Variants in POU2F1 observed in about 807,000 individuals in gnomAD.
POU2F1 encodes POU class 2 homeobox 1, also known as POU domain, class 2, transcription factor 1.
A neutral mutation model predicts 84.9 loss-of-function variants in POU2F1; 16 were observed. The ratio of observed to expected loss-of-function variants is 0.19; its 90% CI spans 0.13 to 0.29. The LOEUF (loss-of-function observed/expected upper bound fraction) is 0.29, where lower values mean the gene tolerates loss of function less well. POU2F1 is among the 10% of genes least tolerant of loss of function. The pLI is 1.00. For synonymous variants in POU2F1, 368 were observed against 368.3 expected (o/e 1.00, Z 0.01); for missense variants, 738 against 942.6 (o/e 0.78, Z 2.84).
At chr1:167,286,802 C>T (rs1017348911) in intron 1 of POU2F1, among the ~76,000 whole-genome samples, 1 of 152,152 alleles carries the variant, frequency 6.6e-6, no homozygotes, top group Non-Finnish European at 1.5e-5. Flanking sequence ...TTCTCAGAGA[C>T]TTGTGGCAAT....
Position 167,297,131 on chromosome 1 carries a change from C to T in POU2F1, c.62-35339C>T, listed in dbSNP as rs115951648. On this transcript the variant is annotated intron_variant, in intron 1 of 15. Transcript: ENST00000367866. ...CCAACTTGTTCATAATGTGCATATACAACAGGAGTTTTGCAGAGTTTTGGC... is the reference window on the plus strand; with the variant it reads ...CCAACTTGTTCATAATGTGCATATATAACAGGAGTTTTGCAGAGTTTTGGC... Among the ~76,000 whole-genome samples, 388 of 152,298 alleles carry T rather than the reference C, an allele frequency of 2.5e-3. 2 individuals carry two copies. The highest frequency in any genetic ancestry group is 9.1e-3 in the African/African-American group (378 of 41,556).
intron 13 of POU2F1, among the ~76,000 whole-genome samples, chr1:167,404,371 C>G (rs1480833765): frequency 6.6e-6 from 1 of 151,926 alleles, no homozygotes; most frequent in Non-Finnish European, 1.5e-5. Flanking sequence ...CTCAAGAGTC[C>G]CCTCCCCTGA....
At chr1:167,236,632 T>C (rs1030362857) in intron 1 of POU2F1, among the ~76,000 whole-genome samples, 2 of 152,164 alleles carry the variant, frequency 1.3e-5, no homozygotes. Flanking sequence ...TTTGGAGAAG[T>C]AGCTTAGGGA....
At chr1:167,278,875 C>T (rs948460257) in intron 1 of POU2F1, among the ~76,000 whole-genome samples, 2 of 151,656 alleles carry the variant, frequency 1.3e-5, no homozygotes, top group African/African-American at 2.4e-5. Context: ...ACCTATTTCA[C>T]ATGGGTACAT....
chr1:167,347,982 T>C (rs1189307387), intron 2 of POU2F1, among the ~76,000 whole-genome samples: 1 of 152,226 alleles, frequency 6.6e-6, no homozygotes, highest in African/African-American at 2.4e-5. Flanking sequence ...CTCTTGTGAA[T>C]AATGCTGCTG....
intron 1 of POU2F1, chr1:167,329,183 T>G: frequency 6.6e-7 from 1 of 1,507,038 alleles, no homozygotes. Context: ...ATACTGTAGA[T>G]TTGTTAGAAA....
At chr1:167,376,249 A>G (rs890871385) in intron 7 of POU2F1, 94 bp downstream of exon 7, 5 of 1,305,244 alleles carry the variant, frequency 3.8e-6, no homozygotes, top group African/African-American at 3.1e-5. Context: ...CCCTGAAACT[A>G]TTAGACCAAT....
chr1:167,320,154 C>T (rs1006136748), intron 1 of POU2F1, among the ~76,000 whole-genome samples: 2 of 151,590 alleles, frequency 1.3e-5, no homozygotes, highest in South Asian at 2.1e-4. Flanking sequence ...TGTTTGGAAT[C>T]GTAGCTGAGC....
intron 1 of POU2F1, among the ~76,000 whole-genome samples, chr1:167,228,955 C>G (rs757234136): frequency 6.6e-6 from 1 of 152,052 alleles, no homozygotes; most frequent in South Asian, 2.1e-4. Context: ...ATTTTATAGT[C>G]GAGTAAAATA....
At chr1:167,412,366 G>A (rs1449245253) in intron 14 of POU2F1, 62 bp downstream of exon 14, 3 of 1,392,190 alleles carry the variant, frequency 2.2e-6, no homozygotes, top group Non-Finnish European at 2.9e-6. Context: ...ATTACTCACA[G>A]GGGAGACTTT....
At chr1:167,300,793 C>T (rs753473760) in intron 1 of POU2F1, among the ~76,000 whole-genome samples, 5 of 151,748 alleles carry the variant, frequency 3.3e-5, no homozygotes, top group East Asian at 1.9e-4. Context: ...TTTTTGGAGA[C>T]GGAGTCTACC....
rs184237103 is a variant in POU2F1 at position 167,379,960 on chromosome 1, C to T, written c.718+3805C>T. Reference sequence around the variant, plus strand: ...CTTTTATAAGATTGGGAAAATAGCACAGATAATGTAATACTGATTGGCCTT... The same window carrying T: ...CTTTTATAAGATTGGGAAAATAGCATAGATAATGTAATACTGATTGGCCTT... On this transcript the variant is annotated intron_variant, in intron 7 of 15. Transcript: ENST00000367866. The T allele has an allele frequency of 4.6e-5, 7 of 152,300 alleles. No individual in the cohort carries two copies. In the East Asian group the frequency reaches 1.4e-3, roughly 29 times the overall value. The allele number at this position is 152,300 out of a possible 1,614,324, so 9.4% of individuals were successfully genotyped here. A position where few individuals can be genotyped will look rare whatever the true frequency, so the allele number is the denominator to read the frequency against.
intron 1 of POU2F1, among the ~76,000 whole-genome samples, chr1:167,277,498 TAAAAAAA>T (rs34080201): frequency 1.5e-5 from 2 of 135,588 alleles, no homozygotes; most frequent in African/African-American, 2.7e-5. Context: ...CCTGGCTAAT[TAAAAAAA>T]AAAAAAAAAA....
intron 2 of POU2F1, among the ~76,000 whole-genome samples, chr1:167,358,035 C>T (rs1659084001): frequency 6.6e-6 from 1 of 151,668 alleles, no homozygotes; most frequent in African/African-American, 2.4e-5. Context: ...ATCTCTTGAC[C>T]TCGTGATCTG....
chr1:167,314,585 T>C (rs1031878143), intron 1 of POU2F1, among the ~76,000 whole-genome samples: 10 of 152,224 alleles, frequency 6.6e-5, no homozygotes, highest in African/African-American at 2.4e-4. Context: ...CATACCATCC[T>C]GGGCCACACA....
At chr1:167,278,074 C>G (rs1652863094) in intron 1 of POU2F1, among the ~76,000 whole-genome samples, 1 of 152,144 alleles carries the variant, frequency 6.6e-6, no homozygotes. Flanking sequence ...TCCTGCTACT[C>G]TTAGGATAAA....
At chr1:167,318,615 G>A (rs536372993) in intron 1 of POU2F1, among the ~76,000 whole-genome samples, 1 of 152,330 alleles carries the variant, frequency 6.6e-6, no homozygotes, top group Non-Finnish European at 1.5e-5. Context: ...CAGAAAGCAT[G>A]TGTAACTGTG....
At position 167,334,151 on chromosome 1, in the gene POU2F1, C is replaced by CT. The variant is rs57242474; in HGVS notation, c.127+1642dup. Among the ~76,000 whole-genome samples, 69 of 66,816 alleles carry CT rather than the reference C, an allele frequency of 1.0e-3. 6 individuals carry two copies. Among genetic ancestry groups the CT allele is most frequent in the South Asian group, 8.5e-3 (12 of 1,416 alleles). 43.8% of individuals were successfully genotyped at this position (66,816 alleles called of 152,430 possible). On this transcript the variant is annotated intron_variant, in intron 2 of 15. Coordinates refer to ENST00000367866, the MANE Select transcript of POU2F1 (RefSeq NM_002697.4). ...TACCATTTATTGAGCAACTACAACA[C>CT]TTTTTTTTTTTTTTTTTTTTTTTTT...
chr1:167,361,183 C>T (rs1409060577), intron 2 of POU2F1, among the ~76,000 whole-genome samples: 70 of 152,168 alleles, frequency 4.6e-4, no homozygotes, highest in Non-Finnish European at 1.8e-4. Context: ...GTTTCTCTTG[C>T]CTGATTGCTC....
Sources: allele counts gnomAD v4.1 joint callset (sites outside exome capture counted in the v4.1 genomes callset), GRCh38; gene constraint gnomAD v4.1.1; transcripts MANE v1.5; gene names NCBI Gene and HGNC (gene_info 2026-07-23, HGNC 2026-07-21).